Variants in PCDH9 observed in about 807,000 individuals in gnomAD.
The protein encoded by PCDH9 is protocadherin 9.
In PCDH9, 24 loss-of-function variants were observed where a neutral mutation model predicts 70.6. The observed-to-expected ratio is 0.34, with a 90% CI of 0.25 to 0.48. PCDH9 has a LOEUF of 0.48. Among genes scored for constraint, PCDH9 ranks in the 20% least tolerant of loss-of-function variants. PCDH9 has a pLI of 0.99. For synonymous variants in PCDH9, 562 were observed against 558.5 expected, an observed-to-expected ratio of 1.01 and a Z score of -0.09; for missense variants, 1,281 against 1,503.6, an observed-to-expected ratio of 0.85 and a Z score of 2.45.
intron 2 of PCDH9, among the ~76,000 whole-genome samples, chr13:66,921,239 A>C (rs1474346906): frequency 6.6e-6 from 1 of 151,224 alleles, no homozygotes; most frequent in East Asian, 1.9e-4. Flanking sequence ...CTGTCAAAAT[A>C]AATAAATTAT....
intron 2 of PCDH9, among the ~76,000 whole-genome samples, chr13:66,988,942 G>A (rs1292166710): frequency 6.6e-6 from 1 of 151,894 alleles, no homozygotes; most frequent in Non-Finnish European, 1.5e-5. Flanking sequence ...ACACATGAAG[G>A]AGATGTAATT....
chr13:66,443,221 T>C, intron 4 of PCDH9, among the ~76,000 whole-genome samples: 1 of 152,194 alleles, frequency 6.6e-6, no homozygotes, highest in East Asian at 1.9e-4. Flanking sequence ...CAATGAACAC[T>C]TTAGAACAAA....
At chr13:66,981,843 C>T (rs1256188121) in intron 2 of PCDH9, among the ~76,000 whole-genome samples, 1 of 151,916 alleles carries the variant, frequency 6.6e-6, no homozygotes, top group African/African-American at 2.4e-5. Context: ...TAACGTATCC[C>T]TAAAATTTAT....
chr13:67,213,491 T>C (rs2089521658), intron 2 of PCDH9: 1 of 152,042 alleles, frequency 6.6e-6, no homozygotes, highest in African/African-American at 2.4e-5. Context: ...GTGGTGGGAT[T>C]AAATAGAATT....
chr13:67,079,378 G>C (rs1444145177), intron 2 of PCDH9, among the ~76,000 whole-genome samples: 1 of 152,034 alleles, frequency 6.6e-6, no homozygotes, highest in African/African-American at 2.4e-5. Flanking sequence ...TTAAATGTGA[G>C]GACTATGACC....
chr13:67,075,053 C>T (rs1444726638), intron 2 of PCDH9, among the ~76,000 whole-genome samples: 2 of 151,464 alleles, frequency 1.3e-5, no homozygotes, highest in Non-Finnish European at 2.9e-5. Context: ...TTTGCAACCC[C>T]TTAGTACGTT....
At chr13:67,201,031 A>G (rs1361140707) in intron 2 of PCDH9, 2 of 152,132 alleles carry the variant, frequency 1.3e-5, no homozygotes, top group African/African-American at 4.8e-5. Context: ...ACAATTTCTG[A>G]AACTTTATTG....
At chr13:66,449,368 C>T (rs1335884912) in intron 4 of PCDH9, among the ~76,000 whole-genome samples, 1 of 152,158 alleles carries the variant, frequency 6.6e-6, no homozygotes, top group Non-Finnish European at 1.5e-5. Flanking sequence ...ATTATAACGT[C>T]TTCCTGTCTG....
At chr13:66,746,433 T>C (rs945489456) in intron 3 of PCDH9, among the ~76,000 whole-genome samples, 4 of 152,246 alleles carry the variant, frequency 2.6e-5, no homozygotes, top group South Asian at 4.1e-4. Context: ...CCTGATCAAA[T>C]TGTATGTCCT....
At chr13:66,435,795 T>A (rs947155302) in intron 4 of PCDH9, among the ~76,000 whole-genome samples, 1 of 152,162 alleles carries the variant, frequency 6.6e-6, no homozygotes, top group Admixed American at 6.5e-5. Flanking sequence ...AGAAAATAAA[T>A]CTTTATTAAG....
At chr13:66,483,886 G>A (rs1433954196) in intron 4 of PCDH9, among the ~76,000 whole-genome samples, 1 of 152,110 alleles carries the variant, frequency 6.6e-6, no homozygotes, top group Non-Finnish European at 1.5e-5. Flanking sequence ...GAAAGGGCTG[G>A]ACATCGAGAG....
chr13:66,761,963 A>G (rs993020640), intron 3 of PCDH9, among the ~76,000 whole-genome samples: 2 of 152,048 alleles, frequency 1.3e-5, no homozygotes, highest in African/African-American at 4.8e-5. Flanking sequence ...TCATGTGTTG[A>G]TGCCCTACAC....
rs1957303813 is a variant in PCDH9, at chr13:66,407,724, T to A, written c.3341-102696A>T. Among the ~76,000 whole-genome samples, 3 of 152,186 alleles carry A rather than the reference T, an allele frequency of 2.0e-5. No individual in the cohort carries two copies. The South Asian group carries it at 6.2e-4, about 32-fold the overall frequency. ...ACGAAAACTTATTATGTTGAGCATT[T>A]AACATAAAGAACTGTAATCCATCAG... On this transcript the variant is annotated intron_variant, in intron 4 of 4. Transcript: ENST00000377865.
intron 4 of PCDH9, among the ~76,000 whole-genome samples, chr13:66,581,479 T>C (rs1399976851): frequency 6.6e-6 from 1 of 152,188 alleles, no homozygotes; most frequent in East Asian, 1.9e-4. Flanking sequence ...TTCCCTGAAG[T>C]ACAATGTTAT....
chr13:66,400,640 A>G (rs117835868), intron 4 of PCDH9, among the ~76,000 whole-genome samples: 2,239 of 152,338 alleles, frequency 0.015, 21 homozygotes, highest in Non-Finnish European at 0.026. Flanking sequence ...TCTATTCTAC[A>G]GGTAGGCTGA....
At chr13:67,009,901 T>G (rs1030447418) in intron 2 of PCDH9, among the ~76,000 whole-genome samples, 3 of 151,952 alleles carry the variant, frequency 2.0e-5, no homozygotes, top group Non-Finnish European at 4.4e-5. Flanking sequence ...ATTTTTATAT[T>G]TAATAAAGAA....
chr13:67,217,243 C>A (rs1346262599), intron 2 of PCDH9: 2 of 146,484 alleles, frequency 1.4e-5, no homozygotes, highest in East Asian at 2.1e-4. Context: ...TGTTTCCGTT[C>A]TTTTCTTTAT....
At chr13:66,859,828 C>A (rs887432839) in intron 3 of PCDH9, among the ~76,000 whole-genome samples, 2 of 151,994 alleles carry the variant, frequency 1.3e-5, no homozygotes, top group Non-Finnish European at 2.9e-5. Flanking sequence ...GCTTTGTAAT[C>A]CTTTGTTTTT....
intron 2 of PCDH9, among the ~76,000 whole-genome samples, chr13:67,080,241 T>A (rs1446051073): frequency 1.3e-5 from 2 of 152,250 alleles, no homozygotes; most frequent in African/African-American, 4.8e-5. Context: ...AGATAAACAG[T>A]ATTTTAGTAA....
Sources: gnomAD v4.1 joint callset for allele counts (sites outside exome capture counted in the v4.1 genomes callset) on GRCh38, gnomAD v4.1.1 for gene constraint, MANE v1.5 for transcripts, NCBI Gene and HGNC (gene_info 2026-07-23, HGNC 2026-07-21) for gene names.